DHRSX: variants seen among roughly 807,000 people sequenced by gnomAD.
DHRSX encodes polyprenol dehydrogenase.
DHRSX carries 31 observed loss-of-function variants against 34.0 expected under a neutral mutation model. That is an observed-to-expected ratio of 0.91 (90% confidence interval 0.69 to 1.23). The LOEUF (loss-of-function observed/expected upper bound fraction) is 1.23. DHRSX is among the 50% of genes most tolerant of loss of function. The pLI is 0.00. For missense variants in DHRSX, 414 were observed against 428.1 expected (o/e 0.97, Z 0.29); for synonymous variants, 201 against 183.8 (o/e 1.09, Z -0.76).
At chrX:2,266,289 A>G (rs1272489286) in intron 5 of DHRSX, among the ~76,000 whole-genome samples, 5 of 105,560 alleles carry the variant, frequency 4.7e-5, no homozygotes, top group Non-Finnish European at 5.6e-5. Flanking sequence ...TACAGCAGAC[A>G]CAGGGAGCAC....
chrX:2,435,694 C>A (rs773741247), intron 1 of DHRSX, among the ~76,000 whole-genome samples: 62 of 152,188 alleles, frequency 4.1e-4, no homozygotes, highest in African/African-American at 1.4e-3. Context: ...GAGCCCAGGA[C>A]TTGAAGGCTG....
At chrX:2,221,259 GA>G (rs1358982054) in intron 6 of DHRSX, 30 bp from the exon 7 acceptor site, 1 of 1,602,778 alleles carries the variant, frequency 6.2e-7, no homozygotes, top group African/African-American at 1.3e-5. Flanking sequence ...AGGCTACGAT[GA>G]GTCAAATTTC....
rs1321787338 is a variant in DHRSX at position 2,363,171 on chromosome X, G to A, written c.286+45574C>T. ...TATCACCGTTCTATGGTATCATGCC[G>A]CCATTTTATCACCGTTCTATGGTAT... On this transcript the variant is annotated intron_variant, in intron 3 of 6. Transcript: ENST00000334651. Among the ~76,000 whole-genome samples, 9 of 88,630 alleles carry A rather than the reference G, an allele frequency of 1.0e-4. 1 individual carries two copies. The highest frequency in any genetic ancestry group is 1.3e-4 in the Non-Finnish European group (6 of 44,496). 58.1% of individuals were successfully genotyped at this position (88,630 alleles called of 152,430 possible).
chrX:2,324,692 G>A (rs946223832), intron 3 of DHRSX, among the ~76,000 whole-genome samples: 1 of 152,012 alleles, frequency 6.6e-6, no homozygotes, highest in African/African-American at 2.4e-5. Flanking sequence ...GAGTCTGCCA[G>A]TGATACAGGA....
chrX:2,407,418 C>T (rs1415531636), intron 3 of DHRSX, among the ~76,000 whole-genome samples: 2 of 152,250 alleles, frequency 1.3e-5, no homozygotes, highest in Non-Finnish European at 2.9e-5. Flanking sequence ...TCAACACATT[C>T]GTGGGCAATT....
intron 5 of DHRSX, among the ~76,000 whole-genome samples, chrX:2,248,171 C>G: frequency 6.6e-6 from 1 of 152,180 alleles, no homozygotes; most frequent in East Asian, 1.9e-4. Flanking sequence ...CGGTGGCTCA[C>G]GTCTGTAATC....
At chrX:2,360,189 A>G (rs1170925351) in intron 3 of DHRSX, among the ~76,000 whole-genome samples, 2 of 152,114 alleles carry the variant, frequency 1.3e-5, no homozygotes, top group Non-Finnish European at 2.9e-5. Context: ...CACGGCAAAA[A>G]GAAAAGTGAC....
At chrX:2,483,865 T>A (rs931323414) in intron 1 of DHRSX, among the ~76,000 whole-genome samples, 1 of 151,248 alleles carries the variant, frequency 6.6e-6, no homozygotes, top group Non-Finnish European at 1.5e-5. Flanking sequence ...CCAAGAACAG[T>A]GTTTACATTC....
intron 1 of DHRSX, among the ~76,000 whole-genome samples, chrX:2,436,236 A>T (rs967273468): frequency 2.6e-5 from 4 of 151,966 alleles, no homozygotes; most frequent in Non-Finnish European, 5.9e-5. Context: ...ATAATAAAAC[A>T]AAACTAAAAA....
At chrX:2,253,289 G>A (rs1244668212) in intron 5 of DHRSX, among the ~76,000 whole-genome samples, 14 of 139,494 alleles carry the variant, frequency 1.0e-4, no homozygotes, top group Non-Finnish European at 1.1e-4. Context: ...CCAAGATGGC[G>A]CCACGGCACT....
intron 3 of DHRSX, among the ~76,000 whole-genome samples, chrX:2,402,883 C>CTTTTTTTTTTTTTTTTTTTTTTTTT: frequency 8.5e-6 from 1 of 117,770 alleles, no homozygotes. Flanking sequence ...TAATTGGTTT[C>CTTTTTTTTTTTTTTTTTTTTTTTTT]TTTTTTTTTT....
At chrX:2,361,356 C>T (rs2042932316) in intron 3 of DHRSX, among the ~76,000 whole-genome samples, 2 of 152,116 alleles carry the variant, frequency 1.3e-5, no homozygotes, top group African/African-American at 4.8e-5. Flanking sequence ...ACACCTGCCT[C>T]AGCCTCCCAA....
At chrX:2,379,799 T>C (rs2043183832) in intron 3 of DHRSX, among the ~76,000 whole-genome samples, 1 of 151,842 alleles carries the variant, frequency 6.6e-6, no homozygotes, top group Non-Finnish European at 1.5e-5. Context: ...CTTTCTTTAA[T>C]CCACTTGGGC....
chrX:2,485,742 GAA>G (rs2044886362), intron 1 of DHRSX, among the ~76,000 whole-genome samples: 2 of 72,750 alleles, frequency 2.7e-5, no homozygotes, highest in African/African-American at 7.4e-5. Context: ...AAAAGGGAGA[GAA>G]GGGAGGGAAG....
intron 3 of DHRSX, among the ~76,000 whole-genome samples, chrX:2,371,547 C>CA (rs1379319375): frequency 3.6e-5 from 3 of 83,104 alleles, no homozygotes; most frequent in Non-Finnish European, 4.3e-5. Flanking sequence ...GTCCGTCCTT[C>CA]TGTTACCATA....
intron 3 of DHRSX, among the ~76,000 whole-genome samples, chrX:2,339,825 A>G (rs1287323530): frequency 1.3e-5 from 2 of 152,062 alleles, no homozygotes; most frequent in African/African-American, 4.8e-5. Flanking sequence ...GCCACAATAA[A>G]CATACGTGTG....
chrX:2,259,347 G>A (rs1255537375), intron 5 of DHRSX, among the ~76,000 whole-genome samples: 1 of 138,552 alleles, frequency 7.2e-6, no homozygotes, highest in African/African-American at 2.7e-5. Flanking sequence ...TATAGATATA[G>A]ATATATAGAT....
chrX:2,446,785 C>T (rs2044143502), intron 1 of DHRSX, among the ~76,000 whole-genome samples: 1 of 151,830 alleles, frequency 6.6e-6, no homozygotes, highest in South Asian at 2.1e-4. Context: ...GGACAAGGGA[C>T]TGCCACTGTG....
chrX:2,451,029 G>A (rs1340542466), intron 1 of DHRSX, among the ~76,000 whole-genome samples: 1 of 151,992 alleles, frequency 6.6e-6, no homozygotes. Context: ...AATCCGCCAC[G>A]ATCTTAAACC....
Sources: gnomAD v4.1 joint callset for allele counts (sites outside exome capture counted in the v4.1 genomes callset) on GRCh38, gnomAD v4.1.1 for gene constraint, MANE v1.5 for transcripts, NCBI Gene and HGNC (gene_info 2026-07-23, HGNC 2026-07-21) for gene names.